ABTB3: variants seen among roughly 807,000 people sequenced by gnomAD.
ABTB3 encodes the protein ankyrin repeat- and BTB/POZ domain-containing protein 3.
the ABTB3 span, among the ~76,000 whole-genome samples, chr12:107,412,707 G>T: frequency 6.6e-6 from 1 of 152,036 alleles, no homozygotes; most frequent in African/African-American, 2.4e-5. Flanking sequence ...TGGGCAGTGG[G>T]GTGAGGTGGG....
chr12:107,447,964 G>A, the ABTB3 span, among the ~76,000 whole-genome samples: 2 of 152,214 alleles, frequency 1.3e-5, no homozygotes, highest in African/African-American at 4.8e-5. Flanking sequence ...CCTTCCAAAT[G>A]TTTACGAAGG....
At chr12:107,366,599 C>T in the ABTB3 span, among the ~76,000 whole-genome samples, 2 of 152,080 alleles carry the variant, frequency 1.3e-5, no homozygotes, top group African/African-American at 2.4e-5. Context: ...CCTTAACTAG[C>T]GACCAAATTA....
chr12:107,592,509 A>G, the ABTB3 span, among the ~76,000 whole-genome samples: 100 of 152,314 alleles, frequency 6.6e-4, 1 homozygote, highest in African/African-American at 2.3e-3. Context: ...TGGATAAATA[A>G]ATTATACTGT....
At chr12:107,487,865 A>G in the ABTB3 span, among the ~76,000 whole-genome samples, 1 of 152,114 alleles carries the variant, frequency 6.6e-6, no homozygotes, top group Non-Finnish European at 1.5e-5. Flanking sequence ...GTATTTGAGC[A>G]GCATCCAAGG....
chr12:107,437,217 G>A, the ABTB3 span, among the ~76,000 whole-genome samples: 3 of 152,194 alleles, frequency 2.0e-5, no homozygotes, highest in South Asian at 6.2e-4. Flanking sequence ...AGTTCCAGAG[G>A]TCAGAAGCTC....
At chr12:107,450,165 G>A in the ABTB3 span, among the ~76,000 whole-genome samples, 1 of 152,000 alleles carries the variant, frequency 6.6e-6, no homozygotes, top group Non-Finnish European at 1.5e-5. Flanking sequence ...TACTTGTCTT[G>A]TTCTTTCTTA....
chr12:107,587,628 A>G, the ABTB3 span, among the ~76,000 whole-genome samples: 1 of 152,200 alleles, frequency 6.6e-6, no homozygotes, highest in African/African-American at 2.4e-5. Flanking sequence ...AAGATGGGTA[A>G]AGTGATAAAT....
the ABTB3 span, among the ~76,000 whole-genome samples, chr12:107,382,167 C>T: frequency 1.3e-5 from 2 of 152,170 alleles, no homozygotes; most frequent in Non-Finnish European, 1.5e-5. Flanking sequence ...GGGACTCCCT[C>T]AGGTTGGGCA....
At chr12:107,411,035 C>G in the ABTB3 span, among the ~76,000 whole-genome samples, 1 of 152,172 alleles carries the variant, frequency 6.6e-6, no homozygotes, top group Non-Finnish European at 1.5e-5. Context: ...CTTGGTGGCT[C>G]ATGCCCGTAA....
the ABTB3 span, among the ~76,000 whole-genome samples, chr12:107,377,414 A>T: frequency 6.8e-6 from 1 of 146,502 alleles, no homozygotes; most frequent in East Asian, 2.1e-4. Context: ...AGAGAGCAAG[A>T]GTGTGTGTGT....
the ABTB3 span, chr12:107,581,229 C>T: frequency 6.5e-7 from 1 of 1,533,076 alleles, no homozygotes. Flanking sequence ...CGCAGCTTCT[C>T]CATGGACAGC....
At chr12:107,590,746 T>C in the ABTB3 span, among the ~76,000 whole-genome samples, 2 of 152,328 alleles carry the variant, frequency 1.3e-5, no homozygotes, top group South Asian at 4.1e-4. Context: ...TGAGGCTTGC[T>C]TCCAAAGTAA....
chr12:107,516,484 G>T, the ABTB3 span, among the ~76,000 whole-genome samples: 2 of 152,128 alleles, frequency 1.3e-5, no homozygotes, highest in East Asian at 3.9e-4. Flanking sequence ...CGCCCACCTC[G>T]GCCTCCCAAA....
the ABTB3 span, among the ~76,000 whole-genome samples, chr12:107,499,720 C>CT: frequency 6.6e-6 from 1 of 150,430 alleles, no homozygotes; most frequent in Non-Finnish European, 1.5e-5. Flanking sequence ...GAATCTCACT[C>CT]TGTCACCCAG....
chr12:107,546,899 A>C, the ABTB3 span, among the ~76,000 whole-genome samples: 1 of 152,090 alleles, frequency 6.6e-6, no homozygotes, highest in East Asian at 1.9e-4. Flanking sequence ...AAATTTAAAA[A>C]TCCTCTGACC....
chr12:107,318,957 A>G, the ABTB3 span: 59 of 1,611,680 alleles, frequency 3.7e-5, no homozygotes, highest in East Asian at 1.3e-3. Context: ...AGGAGAGGTA[A>G]GAAGCCCGTG....
the ABTB3 span, among the ~76,000 whole-genome samples, chr12:107,480,852 A>C: frequency 1.3e-5 from 2 of 152,238 alleles, no homozygotes; most frequent in African/African-American, 2.4e-5. Flanking sequence ...TGAAGCCCAG[A>C]GTTCTGCAGG....
the ABTB3 span, chr12:107,617,867 A>T: frequency 2.9e-5 from 13 of 446,384 alleles, no homozygotes; most frequent in Non-Finnish European, 5.2e-5. Flanking sequence ...TTCACTTTGG[A>T]GAGAGGGCAG....
the ABTB3 span, among the ~76,000 whole-genome samples, chr12:107,353,487 A>G: frequency 6.6e-6 from 1 of 152,194 alleles, no homozygotes; most frequent in African/African-American, 2.4e-5. Flanking sequence ...CTGTGAGCCC[A>G]GGCAAATCAC....
Sources: gnomAD v4.1 joint callset for allele counts (sites outside exome capture counted in the v4.1 genomes callset) on GRCh38, gnomAD v4.1.1 for gene constraint, MANE v1.5 for transcripts, NCBI Gene and HGNC (gene_info 2026-07-23, HGNC 2026-07-21) for gene names.